Variants in FBXL13 observed in about 807,000 individuals in gnomAD.
FBXL13 encodes the protein F-box and leucine rich repeat protein 13.
Under a neutral mutation model 83.6 loss-of-function variants are expected in FBXL13, and 67 were observed. The observed-to-expected ratio is 0.80, with a 90% CI of 0.66 to 0.98. The LOEUF (loss-of-function observed/expected upper bound fraction) is 0.98. Ranked by LOEUF, FBXL13 falls within the 50% of genes least tolerant of loss-of-function variation. The pLI is 0.00. For synonymous variants in FBXL13, 272 were observed against 299.5 expected (o/e 0.91, Z 0.95); for missense variants, 822 against 866.5 (o/e 0.95, Z 0.64).
chr7:103,060,018 TTTTATATATATATATATATATATATA>T (rs1444370744), intron 1 of FBXL13, among the ~76,000 whole-genome samples: 7 of 58,352 alleles, frequency 1.2e-4, no homozygotes, highest in African/African-American at 1.8e-4. Flanking sequence ...TAGCAAGATA[TTTTATATATATATATATATATATATA>T]TATATATATA....
intron 1 of FBXL13, 28 bp from the exon 2 acceptor site, chr7:103,055,775 A>G (rs767503570): frequency 4.7e-5 from 49 of 1,040,132 alleles, no homozygotes; most frequent in Non-Finnish European, 5.5e-5. Flanking sequence ...AATGGCATCA[A>G]TGTTTCTGAA....
chr7:102,962,197 AAAG>A (rs1353856208), intron 8 of FBXL13, among the ~76,000 whole-genome samples: 1 of 151,744 alleles, frequency 6.6e-6, no homozygotes, highest in African/African-American at 2.4e-5. Context: ...ACACTTCTCA[AAAG>A]AAGACATTTA....
intron 11 of FBXL13, among the ~76,000 whole-genome samples, chr7:102,898,648 C>T (rs1161795036): frequency 2.0e-5 from 3 of 152,050 alleles, no homozygotes; most frequent in African/African-American, 4.8e-5. Context: ...AGGGAAGTTT[C>T]TTTGTTCACT....
At chr7:103,033,067 CCATACACACACA>C (rs914795151) in intron 2 of FBXL13, among the ~76,000 whole-genome samples, 2 of 152,094 alleles carry the variant, frequency 1.3e-5, no homozygotes, top group Non-Finnish European at 2.9e-5. Context: ...CTCCATCCCC[CCATACACACACA>C]CATACACACT....
chr7:103,025,010 A>G (rs986064480), intron 6 of FBXL13, 53 bp downstream of exon 7: 1 of 1,405,582 alleles, frequency 7.1e-7, no homozygotes, highest in Non-Finnish European at 9.6e-7. Flanking sequence ...ACAGGCATGC[A>G]CCACCACACT....
In FBXL13 at chr7:102,914,219, C is replaced by T. The variant is rs563494932; in HGVS notation, c.879-1004G>A. On this transcript the variant is annotated intron_variant, in intron 10 of 19. Transcript: ENST00000313221. ...TCCCAAGTGGCTGGGATTACAGGCG[C>T]GTGCCAACATGTCCAGCTAATTTTT... Among the ~76,000 whole-genome samples the T allele has an allele frequency of 9.2e-5, 14 of 152,296 alleles. No homozygotes were observed. The South Asian group carries it at 1.0e-3, about 11-fold the overall frequency.
chr7:102,916,891 AT>A (rs912954909), intron 10 of FBXL13, among the ~76,000 whole-genome samples: 7 of 151,370 alleles, frequency 4.6e-5, no homozygotes, highest in Non-Finnish European at 5.9e-5. Flanking sequence ...AACTACAAAG[AT>A]TTTTTTTTCT....
At chr7:102,825,729 T>C (rs1584456666) in intron 18 of FBXL13, among the ~76,000 whole-genome samples, 1 of 152,178 alleles carries the variant, frequency 6.6e-6, no homozygotes, top group East Asian at 1.9e-4. Flanking sequence ...AATGTGCAAT[T>C]TGGTAGGTAA....
intron 6 of FBXL13, among the ~76,000 whole-genome samples, chr7:102,970,834 C>T (rs1457601272): frequency 7.9e-5 from 12 of 152,094 alleles, no homozygotes; most frequent in South Asian, 2.1e-4. Flanking sequence ...ATAGCAGATG[C>T]GACTCAGCTA....
intron 17 of FBXL13, among the ~76,000 whole-genome samples, chr7:102,843,301 G>C (rs1232873889): frequency 2.0e-5 from 3 of 151,706 alleles, no homozygotes; most frequent in African/African-American, 7.3e-5. Context: ...AAATTACCTG[G>C]GCGTGGTGGC....
intron 2 of FBXL13, among the ~76,000 whole-genome samples, chr7:103,044,671 T>G (rs1361542738): frequency 1.3e-5 from 2 of 152,228 alleles, no homozygotes; most frequent in African/African-American, 2.4e-5. Flanking sequence ...TGTGTTATAT[T>G]AAAATGTTTC....
At chr7:102,944,747 T>C in intron 8 of FBXL13, 2 of 718,700 alleles carry the variant, frequency 2.8e-6, no homozygotes, top group East Asian at 2.7e-5. Context: ...TTATAAGTAT[T>C]ATTGTGACTA....
At chr7:103,020,147 C>T (rs1335403414) in intron 6 of FBXL13, among the ~76,000 whole-genome samples, 2 of 152,164 alleles carry the variant, frequency 1.3e-5, no homozygotes, top group African/African-American at 4.8e-5. Flanking sequence ...GGCTTCATCC[C>T]TGGGATGCAA....
At chr7:102,898,991 A>T (rs12533386) in intron 11 of FBXL13, among the ~76,000 whole-genome samples, 33,452 of 152,060 alleles carry the variant, frequency 0.22, 4,165 homozygotes, top group East Asian at 0.42. Flanking sequence ...ATCTCGGCTT[A>T]CTGCAACCTC....
At position 103,004,541 on chromosome 7, in the gene FBXL13, G is replaced by A. The variant is rs549495430; in HGVS notation, c.495+20522C>T. Among the ~76,000 whole-genome samples the A allele has an allele frequency of 1.1e-3, 164 of 152,222 alleles. 4 individuals carry two copies. Among genetic ancestry groups the A allele is most frequent in the Admixed American group, 0.011 (162 of 15,274 alleles). On this transcript the variant is annotated intron_variant, in intron 6 of 19. Transcript: ENST00000313221. ...CTCTTTGTCTCTAACTGCTCTCAGG[G>A]GTTTTTCTCCCTACAGGCACTCACT...
At chr7:102,994,268 G>C (rs1464192294) in intron 6 of FBXL13, among the ~76,000 whole-genome samples, 3 of 151,588 alleles carry the variant, frequency 2.0e-5, no homozygotes, top group African/African-American at 7.3e-5. Context: ...AATAATACTG[G>C]CTTTTTTTTC....
intron 7 of FBXL13, among the ~76,000 whole-genome samples, chr7:102,965,317 GT>G (rs1199380800): frequency 2.0e-5 from 3 of 151,920 alleles, no homozygotes; most frequent in Non-Finnish European, 2.9e-5. Flanking sequence ...CTAAGGCTTA[GT>G]TTTTTTTCAT....
At position 102,832,836 on chromosome 7, in the gene FBXL13, ATACC is replaced by A; in HGVS notation, c.1854_1854+3del. 1 of 1,614,180 alleles carries A rather than the reference ATACC, an allele frequency of 6.2e-7. No homozygotes were observed. Among genetic ancestry groups the A allele is most frequent in the Non-Finnish European group, 8.5e-7 (1 of 1,180,014 alleles). On this transcript the variant is annotated splice_donor_variant and splice_donor_region_variant and coding_sequence_variant and intron_variant, in exon 18 of 20. Coordinates refer to ENST00000313221, the Ensembl canonical transcript of FBXL13. LOFTEE classifies it high-confidence loss of function. ...TGTGTTTGAGCCCTGACTCCTGCAC[ATACC>A]TTTGGACAGCCAGCAATGCTGAGAG...
chr7:102,830,440 A>G (rs560648460), intron 18 of FBXL13, among the ~76,000 whole-genome samples: 2 of 152,330 alleles, frequency 1.3e-5, no homozygotes, highest in South Asian at 4.2e-4. Flanking sequence ...TTTAAGTTGC[A>G]GAGAGTCAGT....
Sources: gnomAD v4.1 joint callset for allele counts (sites outside exome capture counted in the v4.1 genomes callset) on GRCh38, gnomAD v4.1.1 for gene constraint, MANE v1.5 for transcripts, NCBI Gene and HGNC (gene_info 2026-07-23, HGNC 2026-07-21) for gene names.